The following DLG2 variants were observed in gnomAD, a reference collection of about 807,000 sequenced individuals.
DLG2 encodes discs large MAGUK scaffold protein 2, also known as disks large homolog 2.
Under a neutral mutation model 132.5 loss-of-function variants are expected in DLG2, and 45 were observed. The ratio of observed to expected loss-of-function variants is 0.34; its 90% CI spans 0.27 to 0.44. The LOEUF (loss-of-function observed/expected upper bound fraction) is 0.44. DLG2 is among the 20% of genes least tolerant of loss of function. The probability of loss-of-function intolerance (pLI) is 1.00; values close to 1 mark genes in which losing one functional copy is unlikely to be tolerated. For synonymous variants in DLG2, 424 were observed against 419.6 expected (o/e 1.01, Z -0.13); for missense variants, 1,045 against 1,196.9 (o/e 0.87, Z 1.87).
intron 6 of DLG2, among the ~76,000 whole-genome samples, chr11:85,001,237 G>A (rs972560058): frequency 3.3e-5 from 5 of 151,750 alleles, no homozygotes; most frequent in African/African-American, 9.7e-5. Flanking sequence ...GGGACCACAG[G>A]TGCACACTAC....
chr11:85,400,057 T>A (rs1281906638), intron 3 of DLG2, among the ~76,000 whole-genome samples: 1 of 151,490 alleles, frequency 6.6e-6, no homozygotes, highest in East Asian at 1.9e-4. Flanking sequence ...ATATCCAGAA[T>A]CTACAAAGAA....
intron 21 of DLG2, among the ~76,000 whole-genome samples, chr11:83,520,591 G>A (rs1484103489): frequency 6.6e-6 from 1 of 151,668 alleles, no homozygotes; most frequent in Non-Finnish European, 1.5e-5. Flanking sequence ...AGGTAGGCAG[G>A]TAGATAGATA....
chr11:85,536,927 A>G (rs549700426), intron 3 of DLG2, among the ~76,000 whole-genome samples: 9 of 152,298 alleles, frequency 5.9e-5, no homozygotes, highest in Admixed American at 2.6e-4. Context: ...TGCCAGTGAG[A>G]GGTGAAGCTG....
chr11:83,680,945 A>G (rs2078680295), intron 18 of DLG2, among the ~76,000 whole-genome samples: 1 of 152,208 alleles, frequency 6.6e-6, no homozygotes, highest in Admixed American at 6.5e-5. Context: ...GAGGTTAAAG[A>G]GGACATTTGT....
At chr11:84,460,065 G>C (rs1165682857) in intron 7 of DLG2, among the ~76,000 whole-genome samples, 1 of 150,502 alleles carries the variant, frequency 6.6e-6, no homozygotes. Flanking sequence ...GAGAAATTTT[G>C]TCAGGAATGA....
intron 3 of DLG2, among the ~76,000 whole-genome samples, chr11:85,545,838 C>T (rs916369259): frequency 1.3e-5 from 2 of 151,914 alleles, no homozygotes; most frequent in African/African-American, 4.8e-5. Flanking sequence ...TGGTGATATC[C>T]CCTTTACCAT....
At chr11:84,200,777 T>C (rs2213112) in intron 8 of DLG2, among the ~76,000 whole-genome samples, 109,858 of 151,988 alleles carry the variant, frequency 0.72, 41,700 homozygotes, top group Middle Eastern at 0.87. Flanking sequence ...GGAATGCTAG[T>C]GAATTTTGCA....
At chr11:84,184,785 A>G (rs1482477216) in intron 8 of DLG2, among the ~76,000 whole-genome samples, 1 of 152,010 alleles carries the variant, frequency 6.6e-6, no homozygotes, top group Admixed American at 6.6e-5. Flanking sequence ...AGCTTTCTAC[A>G]TATGGCTAGC....
chr11:84,125,455 A>G (rs535452562), intron 9 of DLG2, among the ~76,000 whole-genome samples: 1 of 152,292 alleles, frequency 6.6e-6, no homozygotes, highest in African/African-American at 2.4e-5. Context: ...CTCCAAACAG[A>G]GGCTTCTAGA....
intron 3 of DLG2, among the ~76,000 whole-genome samples, chr11:85,324,091 T>C (rs2081271388): frequency 2.6e-5 from 4 of 152,152 alleles, no homozygotes; most frequent in Admixed American, 2.6e-4. Flanking sequence ...GTAAGTGACA[T>C]CGTCCTTGCT....
At chr11:84,636,170 A>G (rs891967577) in intron 6 of DLG2, among the ~76,000 whole-genome samples, 2 of 152,238 alleles carry the variant, frequency 1.3e-5, no homozygotes, top group East Asian at 3.9e-4. Context: ...AAACAAATGT[A>G]TAGTCACAGA....
chr11:85,587,594 T>A (rs1038939836), intron 3 of DLG2, among the ~76,000 whole-genome samples: 1 of 152,196 alleles, frequency 6.6e-6, no homozygotes, highest in African/African-American at 2.4e-5. Context: ...TCTTATGCGT[T>A]AAGTGAATCT....
At chr11:84,985,483 T>G (rs1477715428) in intron 6 of DLG2, among the ~76,000 whole-genome samples, 1 of 151,892 alleles carries the variant, frequency 6.6e-6, no homozygotes, top group African/African-American at 2.4e-5. Flanking sequence ...AAGGTGGTGC[T>G]AAGAGGAAAA....
chr11:84,955,132 C>G (rs1405827826), intron 6 of DLG2, among the ~76,000 whole-genome samples: 7 of 152,204 alleles, frequency 4.6e-5, no homozygotes, highest in Non-Finnish European at 2.9e-5. Flanking sequence ...TTGCAGACCT[C>G]TGTTCTAGAT....
intron 7 of DLG2, among the ~76,000 whole-genome samples, chr11:84,267,105 G>C (rs1315225686): frequency 6.6e-6 from 1 of 152,180 alleles, no homozygotes; most frequent in Non-Finnish European, 1.5e-5. Flanking sequence ...GGAAGACCTA[G>C]GTTCTTTCCT....
intron 10 of DLG2, among the ~76,000 whole-genome samples, chr11:84,068,888 T>G (rs2154141600): frequency 6.6e-6 from 1 of 152,302 alleles, no homozygotes; most frequent in Non-Finnish European, 1.5e-5. Context: ...TAATGACAGG[T>G]AAATGATGTC....
chr11:84,644,618 A>C (rs1245856339), intron 6 of DLG2, among the ~76,000 whole-genome samples: 1 of 151,672 alleles, frequency 6.6e-6, no homozygotes, highest in African/African-American at 2.4e-5. Flanking sequence ...AGGTAGGAGA[A>C]TGGCATGAAC....
intron 6 of DLG2, among the ~76,000 whole-genome samples, chr11:85,007,472 A>G (rs1211478891): frequency 6.6e-6 from 1 of 151,740 alleles, no homozygotes; most frequent in South Asian, 2.1e-4. Context: ...CATCCTGGCT[A>G]ACACGGTGAA....
intron 8 of DLG2, among the ~76,000 whole-genome samples, chr11:84,190,523 T>C (rs2096386607): frequency 6.6e-6 from 1 of 152,202 alleles, no homozygotes; most frequent in South Asian, 2.1e-4. Flanking sequence ...TTGGAACTTA[T>C]TATGTAAGTC....
Sources: allele counts gnomAD v4.1 joint callset (sites outside exome capture counted in the v4.1 genomes callset), GRCh38; gene constraint gnomAD v4.1.1; transcripts MANE v1.5; gene names NCBI Gene and HGNC (gene_info 2026-07-23, HGNC 2026-07-21).